ATP6V1C2: variants seen among roughly 807,000 people sequenced by gnomAD.
ATP6V1C2 encodes the protein V-type proton ATPase subunit C 2.
A neutral mutation model predicts 56.8 loss-of-function variants in ATP6V1C2; 45 were observed. That is an observed-to-expected ratio of 0.79 (90% CI 0.62 to 1.02). The LOEUF (loss-of-function observed/expected upper bound fraction) is 1.02. ATP6V1C2 is among the 50% of genes least tolerant of loss of function. The probability of loss-of-function intolerance (pLI) is 0.00; values close to 1 mark genes in which losing one functional copy is unlikely to be tolerated. For missense variants in ATP6V1C2, 463 were observed against 519.7 expected (o/e 0.89, Z 1.06); for synonymous variants, 220 against 201.3 (o/e 1.09, Z -0.79).
chr2:10,764,532 C>A, intron 5 of ATP6V1C2, 107 bp downstream of exon 5: 1 of 941,038 alleles, frequency 1.1e-6, no homozygotes, highest in African/African-American at 1.6e-5. Context: ...GACTGGGCCT[C>A]TGGGTTTCTG....
rs185399641 is a variant in ATP6V1C2, at chr2:10,756,104, C to T, written c.283+2038C>T. 1.1e-4 allele frequency among the ~76,000 whole-genome samples: 16 copies of T among 152,336 alleles called. 1 individual carries two copies. The highest frequency in any genetic ancestry group is 3.6e-4 in the African/African-American group (15 of 41,564). Reference sequence around the variant, plus strand: ...CAGTGTGGTGGCTCACGCCTGTAATCCCATCACTTTAGGAGGCCGAGGCAG... The same window carrying T: ...CAGTGTGGTGGCTCACGCCTGTAATTCCATCACTTTAGGAGGCCGAGGCAG... On this transcript the variant is annotated intron_variant, in intron 4 of 13. Transcript: ENST00000272238.
At chr2:10,764,954 G>C (rs1209615320) in intron 5 of ATP6V1C2, among the ~76,000 whole-genome samples, 1 of 148,552 alleles carries the variant, frequency 6.7e-6, no homozygotes, top group Admixed American at 6.8e-5. Flanking sequence ...TTGGGCAACA[G>C]AATGAGGTTC....
At chr2:10,777,557 G>C (rs1665074893) in intron 10 of ATP6V1C2, 28 bp from the exon 11 acceptor site, 1 of 1,600,474 alleles carries the variant, frequency 6.2e-7, no homozygotes, top group African/African-American at 1.3e-5. Context: ...TTTGCTGAAA[G>C]ATTAATAAAT....
rs532264685 is a variant in ATP6V1C2, at chr2:10,784,326, G to A, written c.*1063G>A. The stretch of plus-strand genomic sequence containing the variant: ...AGGTCAATGTCATCCTCCACGGGAA[G>A]CTGGGAGACGACAGAAAGCCACTGT... On this transcript the variant is annotated 3_prime_UTR_variant, in exon 14 of 14. Transcript: ENST00000272238. 6.2e-7 allele frequency: 1 copy of A among 1,612,160 alleles called. No individual in the cohort carries two copies. Among genetic ancestry groups the A allele is most frequent in the East Asian group, 2.2e-5 (1 of 44,806 alleles).
intron 6 of ATP6V1C2, among the ~76,000 whole-genome samples, chr2:10,770,688 A>G (rs776626950): frequency 3.3e-5 from 5 of 152,232 alleles, no homozygotes; most frequent in African/African-American, 9.6e-5. Flanking sequence ...TCCATTGATC[A>G]TCATTGATTC....
Position 10,777,587 on chromosome 2 carries a change from A to G in ATP6V1C2, c.828A>G (p.Gln276=), listed in dbSNP as rs1481621822. 6 of 1,606,360 alleles carry G rather than the reference A, an allele frequency of 3.7e-6. No individual in the cohort carries two copies. The African/African-American group carries it at 4.0e-5, about 11-fold the overall frequency. ...ATAAATCATTTCTGTGCCTTTAGCA[A>G]ACTTCCTGTGTTGCTCTTAAAAAGG... ...RLLSDKKQQY[Q]TSCVALKKGS... The change falls in exon 11 of 14, where the codon CAA becomes CAG. Residue 276 remains glutamine, a splice_region_variant and synonymous_variant. Transcript: ENST00000272238.
intron 3 of ATP6V1C2, among the ~76,000 whole-genome samples, chr2:10,732,857 G>C (rs915566596): frequency 1.6e-4 from 24 of 151,810 alleles, no homozygotes; most frequent in African/African-American, 5.8e-4. Flanking sequence ...TGTAGTCCCA[G>C]CTACTTGGGA....
upstream of ATP6V1C2, chr2:10,721,606 A>AGGCGG (rs1237909762): frequency 6.6e-6 from 1 of 151,726 alleles, no homozygotes; most frequent in Non-Finnish European, 1.5e-5. Context: ...CCGGGATAAA[A>AGGCGG]GGCGGGGCGG....
In ATP6V1C2 at chr2:10,784,570, T is replaced by G; in HGVS notation, c.*1307T>G. Reference sequence around the variant, plus strand: ...TAACACTGGAAGCCACTTGAACGTGTCCTTTTGAGGAGGGTGGGACACAAC... The same window carrying G: ...TAACACTGGAAGCCACTTGAACGTGGCCTTTTGAGGAGGGTGGGACACAAC... On this transcript the variant is annotated 3_prime_UTR_variant, in exon 14 of 14. Coordinates refer to ENST00000272238, the MANE Select transcript of ATP6V1C2 (RefSeq NM_001039362.2). The G allele has an allele frequency of 1.9e-6, 1 of 523,168 alleles. No individual in the cohort carries two copies. The highest frequency in any genetic ancestry group is 3.4e-6 in the Non-Finnish European group (1 of 298,422). 32.4% of individuals were successfully genotyped at this position (523,168 alleles called of 1,614,324 possible).
intron 4 of ATP6V1C2, among the ~76,000 whole-genome samples, chr2:10,762,194 G>A (rs916330972): frequency 1.4e-5 from 2 of 147,466 alleles, no homozygotes; most frequent in Non-Finnish European, 3.0e-5. Flanking sequence ...TGCCCAGGCT[G>A]GAGTGCAGTG....
At chr2:10,777,274 C>A (rs1665056144) in intron 10 of ATP6V1C2, among the ~76,000 whole-genome samples, 1 of 152,224 alleles carries the variant, frequency 6.6e-6, no homozygotes, top group Non-Finnish European at 1.5e-5. Context: ...CTGTCCTGGT[C>A]GGCCTGCGAT....
chr2:10,749,736 G>A (rs1351597093), intron 3 of ATP6V1C2, among the ~76,000 whole-genome samples: 1 of 152,098 alleles, frequency 6.6e-6, no homozygotes, highest in Non-Finnish European at 1.5e-5. Flanking sequence ...TTTTAAAAAT[G>A]TATTTATTTG....
rs909776463 is a variant in ATP6V1C2 at position 10,780,983 on chromosome 2, G to T, written c.1062-1260G>T. Among the ~76,000 whole-genome samples, 1 of 152,130 alleles carries T rather than the reference G, an allele frequency of 6.6e-6. No homozygotes were observed. Among genetic ancestry groups the T allele is most frequent in the African/African-American group, 2.4e-5 (1 of 41,436 alleles). ...TGGTCTTGAACTCCTGACCTCAGGT[G>T]ATCCAGCCTGCCTTGGCCCCCCAAA... On this transcript the variant is annotated intron_variant, in intron 12 of 13. Transcript: ENST00000272238. This position sits in a 1 kb window ranked among gnomAD's most constrained non-coding sequence, Gnocchi z 4.1.
chr2:10,737,001 G>A (rs1662285553), intron 3 of ATP6V1C2, among the ~76,000 whole-genome samples: 1 of 151,682 alleles, frequency 6.6e-6, no homozygotes, highest in Admixed American at 6.6e-5. Context: ...CTCCCACCTT[G>A]GCCTCCCAAA....
chr2:10,749,125 C>G (rs957578901), intron 3 of ATP6V1C2, among the ~76,000 whole-genome samples: 31 of 93,166 alleles, frequency 3.3e-4, no homozygotes, highest in Non-Finnish European at 5.4e-4. Context: ...AGCAAAACTC[C>G]GTCTCAAAAA....
intron 10 of ATP6V1C2, among the ~76,000 whole-genome samples, chr2:10,775,724 G>C (rs1393087015): frequency 6.6e-6 from 1 of 152,148 alleles, no homozygotes; most frequent in Non-Finnish European, 1.5e-5. Flanking sequence ...ACCGCTCCGG[G>C]AAGTGGGCAC....
intron 3 of ATP6V1C2, among the ~76,000 whole-genome samples, chr2:10,751,962 A>T (rs540909610): frequency 6.6e-6 from 1 of 152,068 alleles, no homozygotes; most frequent in East Asian, 1.9e-4. Context: ...TTTAGAAATG[A>T]GGTGGAGGAT....
intron 3 of ATP6V1C2, among the ~76,000 whole-genome samples, chr2:10,739,956 G>C (rs553171700): frequency 2.8e-5 from 2 of 70,948 alleles, no homozygotes; most frequent in Non-Finnish European, 6.1e-5. Context: ...AAAAAAATTC[G>C]CTGGGCTTGG....
intron 3 of ATP6V1C2, among the ~76,000 whole-genome samples, chr2:10,734,168 C>T (rs954589536): frequency 1.3e-5 from 2 of 152,116 alleles, no homozygotes; most frequent in Non-Finnish European, 2.9e-5. Context: ...GCTGGCAGCC[C>T]TACTGTGTGT....
Sources: allele counts gnomAD v4.1 joint callset (sites outside exome capture counted in the v4.1 genomes callset), GRCh38; gene constraint gnomAD v4.1.1; non-coding constraint Gnocchi (gnomAD v3.1); transcripts MANE v1.5; gene names NCBI Gene and HGNC (gene_info 2026-07-23, HGNC 2026-07-21).